The following EFCAB5 variants were observed in gnomAD, a reference collection of about 807,000 sequenced individuals.
The protein encoded by EFCAB5 is EF-hand calcium binding domain 5.
A neutral mutation model predicts 167.9 loss-of-function variants in EFCAB5; 131 were observed. The observed-to-expected ratio is 0.78, with a 90% CI of 0.68 to 0.90. The LOEUF (loss-of-function observed/expected upper bound fraction) is 0.90. Among genes scored for constraint, EFCAB5 ranks in the 40% least tolerant of loss-of-function variants. EFCAB5 has a pLI of 0.00. For synonymous variants in EFCAB5, 574 were observed against 602.8 expected (o/e 0.95, Z 0.70); for missense variants, 1,663 against 1,745.2 (o/e 0.95, Z 0.84).
At chr17:30,059,458 CTGGACTTTTTT>C (rs952863530) in intron 13 of EFCAB5, 76 bp from the exon 14 acceptor site, 8 of 1,380,570 alleles carry the variant, frequency 5.8e-6, no homozygotes, top group Non-Finnish European at 7.7e-6. Flanking sequence ...ATAGAAGACG[CTGGACTTTTTT>C]TGGAATAAAC....
intron 7 of EFCAB5, among the ~76,000 whole-genome samples, chr17:30,025,449 C>G (rs979809424): frequency 8.6e-5 from 13 of 152,030 alleles, no homozygotes; most frequent in Admixed American, 8.5e-4. Context: ...CAGAGAAATG[C>G]AAATCAAAAC....
chr17:30,076,017 A>G (rs899475910), intron 14 of EFCAB5, among the ~76,000 whole-genome samples: 1 of 152,236 alleles, frequency 6.6e-6, no homozygotes, highest in African/African-American at 2.4e-5. Context: ...GTGGTTACAC[A>G]TAAGAGGAAC....
intron 6 of EFCAB5, 41 bp downstream of exon 6, chr17:29,996,401 T>G (rs772719674): frequency 6.8e-7 from 1 of 1,476,660 alleles, no homozygotes; most frequent in South Asian, 1.3e-5. Context: ...TTTTTATTTC[T>G]TTTTTGGGTG....
intron 4 of EFCAB5, among the ~76,000 whole-genome samples, chr17:29,970,862 G>T (rs2067939742): frequency 6.6e-6 from 1 of 152,062 alleles, no homozygotes; most frequent in African/African-American, 2.4e-5. Flanking sequence ...ATCACCTGAG[G>T]TCAGGAGTTC....
intron 22 of EFCAB5, among the ~76,000 whole-genome samples, chr17:30,100,765 CA>C (rs539073517): frequency 1.0e-3 from 146 of 142,212 alleles, no homozygotes; most frequent in African/African-American, 3.3e-3. Flanking sequence ...AGACTCCGTT[CA>C]AAAAAAAAAA....
intron 14 of EFCAB5, chr17:30,069,247 T>G: frequency 6.5e-7 from 1 of 1,536,762 alleles, no homozygotes; most frequent in Non-Finnish European, 9.0e-7. Context: ...CAGAAAAGAT[T>G]TTGACTGAAA....
At chr17:30,075,194 A>G (rs898395090) in intron 14 of EFCAB5, among the ~76,000 whole-genome samples, 1 of 151,608 alleles carries the variant, frequency 6.6e-6, no homozygotes, top group Admixed American at 6.6e-5. Flanking sequence ...TATGGAACTA[A>G]TCTCCCATCA....
intron 18 of EFCAB5, among the ~76,000 whole-genome samples, chr17:30,086,622 G>T (rs1472124039): frequency 6.6e-6 from 1 of 152,120 alleles, no homozygotes; most frequent in East Asian, 1.9e-4. Flanking sequence ...GCCGGGTGTG[G>T]TGGCTCACGC....
intron 3 of EFCAB5, among the ~76,000 whole-genome samples, chr17:29,962,632 CTTTTTTTT>C (rs796553756): frequency 4.5e-5 from 5 of 110,434 alleles, no homozygotes; most frequent in Non-Finnish European, 9.1e-5. Flanking sequence ...CCATGCCTGG[CTTTTTTTT>C]TTTTTTTTTT....
At chr17:29,943,005 T>A (rs2067324277) in intron 2 of EFCAB5, among the ~76,000 whole-genome samples, 1 of 151,508 alleles carries the variant, frequency 6.6e-6, no homozygotes, top group Non-Finnish European at 1.5e-5. Context: ...GCCACTGCAC[T>A]CCAGCCTGGG....
chr17:30,033,140 G>A (rs1020384432), intron 7 of EFCAB5, among the ~76,000 whole-genome samples: 1 of 151,612 alleles, frequency 6.6e-6, no homozygotes, highest in East Asian at 1.9e-4. Flanking sequence ...GTGCAGTGGC[G>A]CCATCTCGGC....
chr17:30,069,439 G>A (rs1243911674), intron 14 of EFCAB5: 59 of 1,550,216 alleles, frequency 3.8e-5, no homozygotes, highest in Non-Finnish European at 5.0e-5. Flanking sequence ...AGATATTCAC[G>A]GAAAAGGTTT....
Position 29,941,779 on chromosome 17 carries a change from A to C in EFCAB5, c.-18A>C. 6.3e-7 allele frequency: 1 copy of C among 1,595,648 alleles called. No homozygotes were observed. The highest frequency in any genetic ancestry group is 8.6e-7 in the Non-Finnish European group (1 of 1,168,734). ...TAATATTCTTCTATACCATTTGGTG[A>C]TAACTTTTGGAGTCCAAATGAATGA... On this transcript the variant is annotated 5_prime_UTR_variant, in exon 1 of 23. The change abolishes the stop of an existing upstream ORF in the 5' untranslated region. Transcript: ENST00000394835.
rs775099687 is a variant in EFCAB5 at position 30,053,533 on chromosome 17, C to G, written c.1579C>G (p.Gln527Glu). 3.0e-5 allele frequency: 49 copies of G among 1,613,642 alleles called. No individual in the cohort carries two copies. The highest frequency in any genetic ancestry group is 3.3e-5 in the Non-Finnish European group (39 of 1,179,836). The change falls in exon 10 of 23, where the codon CAA (glutamine) becomes GAA (glutamate). Residue 527 changes from glutamine (Q) to glutamate (E), a missense_variant. By Grantham distance (29) the Gln-to-Glu change is conservative. Transcript: ENST00000394835. Reference protein sequence around the residue: ...GPQRISIEEQQQGKKPTAEQE... With the variant: ...GPQRISIEEQEQGKKPTAEQE... ...ACAAAGAATTTCAATTGAAGAACAA[C>G]AACAAGGCAAAAAGCCAACTGCAGA...
intron 1 of EFCAB5, 85 bp downstream of exon 1, chr17:29,941,923 T>G (rs2067303727): frequency 7.8e-7 from 1 of 1,286,048 alleles, no homozygotes; most frequent in Non-Finnish European, 1.1e-6. Flanking sequence ...AATATCACAG[T>G]CTATCATTTA....
At chr17:30,092,189 T>C in intron 21 of EFCAB5, 32 bp downstream of exon 21, 1 of 1,578,258 alleles carries the variant, frequency 6.3e-7, no homozygotes, top group Non-Finnish European at 8.6e-7. Context: ...ACCTTTTAAA[T>C]TGAAGAATCG....
In EFCAB5 at chr17:30,053,870, T is replaced by C. The variant is rs759332442; in HGVS notation, c.1916T>C (p.Leu639Pro). ...RRMSAAEQGSLRESVIEEPYQ... is the reference protein window; with the variant it reads ...RRMSAAEQGSPRESVIEEPYQ... ...ATGTCAGCTGCAGAACAGGGATCAC[T>C]CAGAGAGTCAGTAATAGAAGAACCA... Residue 639 changes from leucine to proline, a missense_variant, in exon 10 of 23, where the codon CTC becomes CCC. By Grantham distance (98) the Leu-to-Pro change is moderately conservative. Transcript: ENST00000394835. 1 of 1,613,926 alleles carries C rather than the reference T, an allele frequency of 6.2e-7. No homozygotes were observed. The highest frequency in any genetic ancestry group is 2.2e-5 in the East Asian group (1 of 44,886).
intron 7 of EFCAB5, among the ~76,000 whole-genome samples, chr17:30,028,471 C>A (rs966923610): frequency 6.6e-6 from 1 of 151,958 alleles, no homozygotes; most frequent in Non-Finnish European, 1.5e-5. Context: ...CAGCTTTTGG[C>A]GAGGTTGAGG....
intron 7 of EFCAB5, among the ~76,000 whole-genome samples, chr17:30,026,776 A>G (rs1018127875): frequency 2.0e-5 from 3 of 151,862 alleles, no homozygotes; most frequent in Non-Finnish European, 4.4e-5. Flanking sequence ...GGATCTTGCT[A>G]TGTTGCCCAG....
Sources: allele counts gnomAD v4.1 joint callset (sites outside exome capture counted in the v4.1 genomes callset), GRCh38; gene constraint gnomAD v4.1.1; transcripts MANE v1.5; gene names NCBI Gene and HGNC (gene_info 2026-07-23, HGNC 2026-07-21).